DEPDC5: variants seen among roughly 807,000 people sequenced by gnomAD.
DEPDC5 encodes DEP domain containing 5, GATOR1 subcomplex subunit.
Under a neutral mutation model 217.3 loss-of-function variants are expected in DEPDC5, and 73 were observed. The ratio of observed to expected loss-of-function variants is 0.34; its 90% confidence interval spans 0.28 to 0.41. The LOEUF (loss-of-function observed/expected upper bound fraction) is 0.41, where lower values mean the gene tolerates loss of function less well. DEPDC5 is among the 10% of genes least tolerant of loss of function. The pLI, the probability that DEPDC5 is intolerant of heterozygous loss-of-function variation, is 1.00. For synonymous variants in DEPDC5, 733 were observed against 756.7 expected, an observed-to-expected ratio of 0.97 and a Z score of 0.51; for missense variants, 1,675 against 2,070.1, an observed-to-expected ratio of 0.81 and a Z score of 3.70.
At chr22:31,863,012 C>T (rs1241426856) in intron 33 of DEPDC5, among the ~76,000 whole-genome samples, 1 of 152,124 alleles carries the variant, frequency 6.6e-6, no homozygotes, top group African/African-American at 2.4e-5. Context: ...CCACCATACA[C>T]AGCTAATTTT....
intron 10 of DEPDC5, among the ~76,000 whole-genome samples, chr22:31,785,871 A>T (rs932044505): frequency 2.0e-5 from 3 of 152,216 alleles, no homozygotes; most frequent in African/African-American, 7.2e-5. Context: ...TCAACAAATT[A>T]TTCTGGAACA....
At chr22:31,852,235 C>G (rs1362955055) in intron 31 of DEPDC5, among the ~76,000 whole-genome samples, 1 of 152,070 alleles carries the variant, frequency 6.6e-6, no homozygotes, top group Admixed American at 6.6e-5. Flanking sequence ...TAATAAATTC[C>G]TGCTTACCCA....
intron 14 of DEPDC5, among the ~76,000 whole-genome samples, chr22:31,799,238 T>A (rs1404320647): frequency 6.6e-6 from 1 of 151,564 alleles, no homozygotes; most frequent in Non-Finnish European, 1.5e-5. Flanking sequence ...AGACACGGGG[T>A]TTCACCATGT....
intron 33 of DEPDC5, among the ~76,000 whole-genome samples, chr22:31,865,495 A>G (rs1056448405): frequency 6.6e-6 from 1 of 150,800 alleles, no homozygotes; most frequent in African/African-American, 2.5e-5. Flanking sequence ...GACCTGTCTC[A>G]AAACAAAACA....
intron 32 of DEPDC5, 117 bp downstream of exon 32, chr22:31,857,670 C>T: frequency 1.3e-6 from 1 of 767,476 alleles, no homozygotes; most frequent in Non-Finnish European, 2.1e-6. Flanking sequence ...TGGATGAATT[C>T]TACCCTGAAC....
At position 31,798,646 on chromosome 22, in the gene DEPDC5, G is replaced by A; in HGVS notation, c.936G>A (p.Leu312=). Residue 312 remains leucine (L), a synonymous_variant, in exon 14 of 43, where the codon CTG becomes CTA. Transcript: ENST00000651528. ...GAAACTACCTGGAGGCCATCAATCT[G>A]TCATTCAATGGTGAGTAAGGATGCC... ...AQGNYLEAIN[L]SFNVFDKHYI... The A allele has an allele frequency of 1.9e-6, 3 of 1,611,184 alleles. No homozygotes were observed. The highest frequency in any genetic ancestry group is 2.2e-5 in the South Asian group (2 of 90,982).
chr22:31,829,625 C>T (rs1640470206), intron 24 of DEPDC5, among the ~76,000 whole-genome samples: 2 of 152,122 alleles, frequency 1.3e-5, no homozygotes, highest in Non-Finnish European at 2.9e-5. Flanking sequence ...GGCACTCAAG[C>T]GTGACTCAGT....
rs1483361678 is a variant in DEPDC5 at position 31,856,163 on chromosome 22, A to G, written c.3156-1282A>G. Among the ~76,000 whole-genome samples, 102 of 150,684 alleles carry G rather than the reference A, an allele frequency of 6.8e-4. 1 individual carries two copies. Among genetic ancestry groups the G allele is most frequent in the East Asian group, 3.9e-4 (2 of 5,102 alleles). The stretch of plus-strand genomic sequence containing the variant: ...CTGAGTTGGGCCAACGCGCACACAC[A>G]CACACACACACACACACACACACAC... On this transcript the variant is annotated intron_variant, in intron 31 of 42. Transcript: ENST00000651528.
At chr22:31,865,006 A>G (rs2092647460) in intron 33 of DEPDC5, among the ~76,000 whole-genome samples, 1 of 139,614 alleles carries the variant, frequency 7.2e-6, no homozygotes, top group African/African-American at 3.3e-5. Context: ...TTGTAGTTTT[A>G]GTAGAGACGG....
chr22:31,774,686 C>T (rs989957702), intron 7 of DEPDC5, among the ~76,000 whole-genome samples: 1 of 151,008 alleles, frequency 6.6e-6, no homozygotes, highest in Non-Finnish European at 1.5e-5. Context: ...ACTGAAAATA[C>T]AAAAAAATTA....
intron 31 of DEPDC5, among the ~76,000 whole-genome samples, chr22:31,855,869 A>G (rs1025802308): frequency 6.8e-6 from 1 of 147,762 alleles, no homozygotes; most frequent in Non-Finnish European, 1.5e-5. Flanking sequence ...ATGGAAACAT[A>G]TTTTTGCATC....
chr22:31,858,959 A>G (rs1173237409), intron 32 of DEPDC5: 2 of 152,244 alleles, frequency 1.3e-5, no homozygotes, highest in African/African-American at 2.4e-5. Flanking sequence ...GGCAACTTGT[A>G]AACCAAACGT....
chr22:31,846,490 T>C (rs2091747648), intron 30 of DEPDC5, among the ~76,000 whole-genome samples: 1 of 152,224 alleles, frequency 6.6e-6, no homozygotes, highest in Non-Finnish European at 1.5e-5. Flanking sequence ...GTGAGGTCAC[T>C]GGAGTTTGGA....
intron 14 of DEPDC5, 62 bp downstream of exon 14, chr22:31,798,718 A>G (rs560521130): frequency 5.9e-6 from 9 of 1,529,518 alleles, no homozygotes; most frequent in Admixed American, 3.4e-5. Flanking sequence ...GTTACCGGAA[A>G]GGTGTCCTGA....
At chr22:31,895,582 A>T (rs1042645183) in intron 39 of DEPDC5, among the ~76,000 whole-genome samples, 8 of 152,138 alleles carry the variant, frequency 5.3e-5, no homozygotes, top group Non-Finnish European at 1.0e-4. Context: ...GCTTCTCTCA[A>T]CACCAGCCCA....
intron 34 of DEPDC5, 151 bp from the exon 35 acceptor site, chr22:31,873,104 G>C: frequency 1.5e-5 from 22 of 1,464,642 alleles, no homozygotes; most frequent in Non-Finnish European, 2.0e-5. Context: ...ATAACCCCCT[G>C]ATATAGCTGT....
intron 2 of DEPDC5, 67 bp downstream of exon 2, chr22:31,755,046 A>T: frequency 6.4e-7 from 1 of 1,563,042 alleles, no homozygotes; most frequent in South Asian, 1.1e-5. Flanking sequence ...CAATACCTAG[A>T]AATTACACAC....
intron 24 of DEPDC5, among the ~76,000 whole-genome samples, chr22:31,825,734 T>C (rs1435880880): frequency 6.6e-6 from 1 of 152,220 alleles, no homozygotes; most frequent in Non-Finnish European, 1.5e-5. Flanking sequence ...CTGTCACTGA[T>C]GTTTCCAGAT....
chr22:31,888,240 GTTTTTTT>G (rs71184531), intron 38 of DEPDC5, among the ~76,000 whole-genome samples: 4 of 66,410 alleles, frequency 6.0e-5, no homozygotes, highest in Non-Finnish European at 1.0e-4. Flanking sequence ...TTTGTCTGTG[GTTTTTTT>G]TTTTTTTTTT....
Sources: gnomAD v4.1 joint callset for allele counts (sites outside exome capture counted in the v4.1 genomes callset) on GRCh38, gnomAD v4.1.1 for gene constraint, MANE v1.5 for transcripts, NCBI Gene and HGNC (gene_info 2026-07-23, HGNC 2026-07-21) for gene names.